The following PRTFDC1 variants were observed in gnomAD, a reference collection of about 807,000 sequenced individuals.
PRTFDC1 encodes phosphoribosyltransferase domain-containing protein 1.
PRTFDC1 carries 38 observed loss-of-function variants against 34.6 expected under a neutral mutation model. The ratio of observed to expected loss-of-function variants is 1.10; its 90% CI spans 0.85 to 1.44. PRTFDC1 has a LOEUF of 1.44. Ranked by LOEUF, PRTFDC1 falls within the 40% of genes most tolerant of loss-of-function variation. PRTFDC1 has a pLI of 0.00. For missense variants in PRTFDC1, 270 were observed against 283.0 expected, an observed-to-expected ratio of 0.95 and a Z score of 0.33; for synonymous variants, 93 against 98.1, an observed-to-expected ratio of 0.95 and a Z score of 0.31.
intron 4 of PRTFDC1, among the ~76,000 whole-genome samples, chr10:24,865,872 C>A (rs966625473): frequency 6.6e-6 from 1 of 152,072 alleles, no homozygotes; most frequent in Admixed American, 6.6e-5. Context: ...TGAATATAAA[C>A]CCCATGGAAA....
intron 4 of PRTFDC1, among the ~76,000 whole-genome samples, chr10:24,865,965 G>T (rs921488663): frequency 6.6e-6 from 1 of 152,134 alleles, no homozygotes; most frequent in Admixed American, 6.6e-5. Flanking sequence ...TTCCATTATT[G>T]TTCTCAGCTT....
chr10:24,914,836 C>T (rs1309832741), intron 3 of PRTFDC1, among the ~76,000 whole-genome samples: 8 of 152,126 alleles, frequency 5.3e-5, no homozygotes, highest in Non-Finnish European at 1.0e-4. Context: ...CTACCTCAGG[C>T]CTAGCTAAGA....
At chr10:24,879,932 TG>T (rs1160511617) in intron 3 of PRTFDC1, among the ~76,000 whole-genome samples, 1 of 151,876 alleles carries the variant, frequency 6.6e-6, no homozygotes, top group African/African-American at 2.4e-5. Flanking sequence ...GTGGGGTGAG[TG>T]GGGAGAAGGG....
intron 3 of PRTFDC1, among the ~76,000 whole-genome samples, chr10:24,877,814 T>C (rs1378450498): frequency 6.6e-6 from 1 of 151,990 alleles, no homozygotes; most frequent in Non-Finnish European, 1.5e-5. Flanking sequence ...AGAGATGGCG[T>C]TTCGCCATGT....
intron 1 of PRTFDC1, chr10:24,951,624 A>G (rs1353473053): frequency 3.0e-5 from 30 of 985,078 alleles, no homozygotes; most frequent in Non-Finnish European, 3.5e-5. Flanking sequence ...AGAGATGGCA[A>G]GTTAGCCCCA....
At chr10:24,929,330 T>C (rs534815022) in intron 3 of PRTFDC1, among the ~76,000 whole-genome samples, 13 of 152,268 alleles carry the variant, frequency 8.5e-5, no homozygotes, top group African/African-American at 3.1e-4. Context: ...GGCTAACCCT[T>C]AGCTCTAATG....
chr10:24,864,538 C>CTCAGA (rs1847741650), intron 4 of PRTFDC1, among the ~76,000 whole-genome samples: 2 of 152,162 alleles, frequency 1.3e-5, no homozygotes, highest in African/African-American at 4.8e-5. Flanking sequence ...AAGATGATGA[C>CTCAGA]TCACTGAAGG....
intron 1 of PRTFDC1, among the ~76,000 whole-genome samples, chr10:24,948,598 C>A (rs1849288465): frequency 6.6e-6 from 1 of 152,202 alleles, no homozygotes; most frequent in Admixed American, 6.5e-5. Context: ...CCTTCTCTTG[C>A]ACAAACTTTA....
chr10:24,902,663 A>G (rs1185084041), intron 3 of PRTFDC1, among the ~76,000 whole-genome samples: 1 of 152,234 alleles, frequency 6.6e-6, no homozygotes, highest in Non-Finnish European at 1.5e-5. Context: ...AGAGAATGAC[A>G]AATTCAGAGA....
chr10:24,849,814 C>G lies in PRTFDC1; in HGVS notation c.*30G>C. On this transcript the variant is annotated 3_prime_UTR_variant, in exon 9 of 9. Transcript: ENST00000320152. ...AGTACAGGCGTAAATATGATGCTAT[C>G]TGGGACTTTAGTGGTGAGAATTCAT... is the stretch of plus-strand genomic sequence containing the variant. 6.2e-7 allele frequency: 1 copy of G among 1,610,178 alleles called. No homozygotes were observed. Among genetic ancestry groups the G allele is most frequent in the Non-Finnish European group, 8.5e-7 (1 of 1,176,622 alleles).
chr10:24,866,850 A>T (rs955971555), intron 4 of PRTFDC1, among the ~76,000 whole-genome samples: 17 of 151,900 alleles, frequency 1.1e-4, no homozygotes, highest in Admixed American at 4.6e-4. Flanking sequence ...AAGGAATTTT[A>T]AAAAAAGCAA....
At chr10:24,918,171 C>T (rs1848725984) in intron 3 of PRTFDC1, among the ~76,000 whole-genome samples, 1 of 152,052 alleles carries the variant, frequency 6.6e-6, no homozygotes, top group Non-Finnish European at 1.5e-5. Context: ...TGCTGGAGCA[C>T]TAAGTCTCTC....
At chr10:24,868,735 C>T (rs1451938983) in intron 4 of PRTFDC1, among the ~76,000 whole-genome samples, 1 of 152,154 alleles carries the variant, frequency 6.6e-6, no homozygotes, top group Admixed American at 6.6e-5. Flanking sequence ...CAGTTTCAGA[C>T]TTTCTTCTAC....
chr10:24,951,487 G>T, intron 1 of PRTFDC1: 1 of 856,202 alleles, frequency 1.2e-6, no homozygotes, highest in Non-Finnish European at 1.4e-6. Flanking sequence ...TAAGCACTGA[G>T]CCCCACATTT....
chr10:24,883,375 C>T (rs55634859), intron 3 of PRTFDC1, among the ~76,000 whole-genome samples: 15,967 of 151,780 alleles, frequency 0.11, 1,131 homozygotes, highest in Non-Finnish European at 0.15. Context: ...CAGAGAAAGG[C>T]GCTTTTCTTT....
At chr10:24,876,871 ACTCAGTC>A (rs1847976137) in intron 3 of PRTFDC1, among the ~76,000 whole-genome samples, 1 of 122,452 alleles carries the variant, frequency 8.2e-6, no homozygotes, top group Admixed American at 1.1e-4. Context: ...GGAAATGGCT[ACTCAGTC>A]CTCCACTGGT....
At chr10:24,924,786 G>C (rs1037147633) in intron 3 of PRTFDC1, among the ~76,000 whole-genome samples, 4 of 152,188 alleles carry the variant, frequency 2.6e-5, no homozygotes, top group African/African-American at 9.6e-5. Flanking sequence ...TCTCACTCCA[G>C]TTAGAATGGC....
Position 24,942,370 on chromosome 10 carries a change from A to G in PRTFDC1, c.115T>C (p.Leu39=), listed in dbSNP as rs757542675. The stretch of plus-strand genomic sequence containing the variant: ...CCATGAGGGATGAGGACATACTCCA[A>G]GTCTCCATAATAGTGCTGTGGGTAC... ...FTYPQHYYGD[L]EYVLIPHGII... Residue 39 remains leucine, a synonymous_variant, in exon 2 of 9, where the codon TTG becomes CTG. Coordinates refer to ENST00000320152, the MANE Select transcript of PRTFDC1 (RefSeq NM_020200.7). The G allele has an allele frequency of 1.2e-6, 2 of 1,613,828 alleles. No homozygotes were observed. Among genetic ancestry groups the G allele is most frequent in the East Asian group, 4.5e-5 (2 of 44,882 alleles).
chr10:24,928,773 C>T (rs1380845508), intron 3 of PRTFDC1, among the ~76,000 whole-genome samples: 1 of 151,506 alleles, frequency 6.6e-6, no homozygotes, highest in East Asian at 2.0e-4. Flanking sequence ...CGCAGTGGCT[C>T]ACGCCTGTAA....
Sources: gnomAD v4.1 joint callset for allele counts (sites outside exome capture counted in the v4.1 genomes callset) on GRCh38, gnomAD v4.1.1 for gene constraint, MANE v1.5 for transcripts, NCBI Gene and HGNC (gene_info 2026-07-23, HGNC 2026-07-21) for gene names.